The following ALK variants were observed in gnomAD, a reference collection of about 807,000 sequenced individuals.
ALK encodes the protein ALK tyrosine kinase receptor.
A neutral mutation model predicts 163.1 loss-of-function variants in ALK; 74 were observed. The observed-to-expected ratio is 0.45, with a 90% CI of 0.38 to 0.55. The LOEUF (loss-of-function observed/expected upper bound fraction) is 0.55. ALK is among the 20% of genes least tolerant of loss of function. The pLI is 0.00. For synonymous variants in ALK, 960 were observed against 843.2 expected, an observed-to-expected ratio of 1.14 and a Z score of -2.40; for missense variants, 2,063 against 2,105.3, an observed-to-expected ratio of 0.98 and a Z score of 0.39.
intron 3 of ALK, among the ~76,000 whole-genome samples, chr2:29,553,298 C>G (rs949829906): frequency 3.9e-5 from 6 of 152,138 alleles, no homozygotes; most frequent in Non-Finnish European, 5.9e-5. Flanking sequence ...AGCAAGGCAC[C>G]ATCTTGAAGC....
intron 1 of ALK, among the ~76,000 whole-genome samples, chr2:29,795,854 T>A (rs1664294730): frequency 6.6e-6 from 1 of 152,200 alleles, no homozygotes; most frequent in Non-Finnish European, 1.5e-5. Context: ...TACTATGCAT[T>A]ATTTTTATAA....
chr2:29,683,490 G>C (rs1274781234), intron 3 of ALK, among the ~76,000 whole-genome samples: 1 of 152,182 alleles, frequency 6.6e-6, no homozygotes, highest in Admixed American at 6.5e-5. Flanking sequence ...TAATGCATTA[G>C]ATAAGAATAA....
intron 3 of ALK, among the ~76,000 whole-genome samples, chr2:29,672,422 C>T (rs1447868541): frequency 2.7e-5 from 4 of 148,614 alleles, no homozygotes; most frequent in South Asian, 2.1e-4. Flanking sequence ...TGAGAATATG[C>T]GGTGTTTGGT....
chr2:29,604,163 GTTT>G (rs34399929), intron 3 of ALK, among the ~76,000 whole-genome samples: 1 of 138,166 alleles, frequency 7.2e-6, no homozygotes, highest in Non-Finnish European at 1.6e-5. Flanking sequence ...GAATAGAGAA[GTTT>G]TTTTTTTTTT....
chr2:29,238,012 C>T (rs768300663), intron 13 of ALK, among the ~76,000 whole-genome samples: 11 of 152,172 alleles, frequency 7.2e-5, no homozygotes, highest in African/African-American at 1.9e-4. Context: ...GAAGCAAAGA[C>T]GGAGGGCTGT....
chr2:29,897,565 CCT>C lies in ALK; in HGVS notation c.667+22426_667+22427del, dbSNP rs1279881431. Among the ~76,000 whole-genome samples the C allele has an allele frequency of 2.6e-5, 4 of 152,190 alleles. No homozygotes were observed. In the East Asian group the frequency reaches 5.8e-4, roughly 22 times the overall value. On this transcript the variant is annotated intron_variant, in intron 1 of 28. Coordinates refer to ENST00000389048, the MANE Select transcript of ALK (RefSeq NM_004304.5). ...TTGGGAGGCTTTTCAGCAGGATTTC[CCT>C]GATGGCTCCTCCCTCCACCAGTCAG... is the stretch of plus-strand genomic sequence containing the variant.
intron 1 of ALK, among the ~76,000 whole-genome samples, chr2:29,882,149 G>A (rs1462729538): frequency 6.6e-6 from 1 of 152,170 alleles, no homozygotes; most frequent in Non-Finnish European, 1.5e-5. Flanking sequence ...AGGACTGTAG[G>A]TGTGAGAGCA....
intron 4 of ALK, among the ~76,000 whole-genome samples, chr2:29,444,468 C>A (rs1311599346): frequency 6.6e-6 from 1 of 152,090 alleles, no homozygotes; most frequent in African/African-American, 2.4e-5. Context: ...GAGGATTGAA[C>A]AAAGGAGGAG....
intron 4 of ALK, among the ~76,000 whole-genome samples, chr2:29,470,394 T>G (rs1450050899): frequency 6.6e-6 from 1 of 152,138 alleles, no homozygotes; most frequent in South Asian, 2.1e-4. Flanking sequence ...GAGTCCCACA[T>G]AGAATAAATG....
At chr2:29,622,742 A>G (rs1473227806) in intron 3 of ALK, among the ~76,000 whole-genome samples, 3 of 152,060 alleles carry the variant, frequency 2.0e-5, no homozygotes, top group East Asian at 1.9e-4. Context: ...TCCTCTGCAC[A>G]TGCTCTTCCC....
At chr2:29,620,628 C>G (rs917591521) in intron 3 of ALK, among the ~76,000 whole-genome samples, 1 of 152,052 alleles carries the variant, frequency 6.6e-6, no homozygotes, top group Non-Finnish European at 1.5e-5. Flanking sequence ...TAAATCAGCC[C>G]TGTACTCCAG....
intron 7 of ALK, 56 bp from the exon 8 acceptor site, chr2:29,318,460 G>A (rs2148248456): frequency 8.0e-7 from 1 of 1,256,602 alleles, no homozygotes; most frequent in Admixed American, 1.7e-5. Context: ...GGGGGACCAG[G>A]GGTGCAGGGT....
In ALK at chr2:29,222,355, G is replaced by T. The variant is rs1669825838; in HGVS notation, c.3504C>A (p.Ala1168=). 1.2e-6 allele frequency: 2 copies of T among 1,614,052 alleles called. No individual in the cohort carries two copies. The highest frequency in any genetic ancestry group is 4.5e-5 in the East Asian group (2 of 44,870). Residue 1168 remains alanine, a synonymous_variant, in exon 22 of 29, where the codon GCC becomes GCA. Transcript: ENST00000389048. ...CTCTGTGGCTTTACCTGATGATCAG[G>T]GCTTCCATGAGGAAATCCAGTTCGT... ...EQDELDFLME[A]LIISKFNHQN...
chr2:29,403,407 C>G (rs1443076611), intron 4 of ALK, among the ~76,000 whole-genome samples: 1 of 152,086 alleles, frequency 6.6e-6, no homozygotes, highest in Non-Finnish European at 1.5e-5. Context: ...TGTGTCTGTT[C>G]CATTCCTCTA....
At chr2:29,213,754 TG>T in intron 24 of ALK, among the ~76,000 whole-genome samples, 1 of 152,054 alleles carries the variant, frequency 6.6e-6, no homozygotes, top group Non-Finnish European at 1.5e-5. Flanking sequence ...GAGGCCAAGG[TG>T]GGAGGATTAC....
At chr2:29,463,014 CAT>C (rs915035831) in intron 4 of ALK, among the ~76,000 whole-genome samples, 2 of 152,090 alleles carry the variant, frequency 1.3e-5, no homozygotes, top group African/African-American at 4.8e-5. Context: ...ATATATAGAA[CAT>C]ATTACAGCAC....
intron 1 of ALK, among the ~76,000 whole-genome samples, chr2:29,805,011 G>C (rs1310622649): frequency 1.3e-5 from 2 of 152,094 alleles, no homozygotes; most frequent in Non-Finnish European, 2.9e-5. Context: ...GTTTCTGTTT[G>C]GAAGCCTCTA....
intron 4 of ALK, among the ~76,000 whole-genome samples, chr2:29,442,334 G>C (rs1263262772): frequency 1.3e-5 from 2 of 151,792 alleles, no homozygotes; most frequent in Non-Finnish European, 2.9e-5. Flanking sequence ...TGAGACTTCT[G>C]AGCATGAATG....
intron 8 of ALK, among the ~76,000 whole-genome samples, chr2:29,309,906 A>G: frequency 6.6e-6 from 1 of 152,202 alleles, no homozygotes; most frequent in Non-Finnish European, 1.5e-5. Flanking sequence ...GGCTGAATTT[A>G]TGCAGCAGCA....
Sources: gnomAD v4.1 joint callset for allele counts (sites outside exome capture counted in the v4.1 genomes callset) on GRCh38, gnomAD v4.1.1 for gene constraint, MANE v1.5 for transcripts, NCBI Gene and HGNC (gene_info 2026-07-23, HGNC 2026-07-21) for gene names.